Variants in CA10 observed in about 807,000 individuals in gnomAD.
The protein encoded by CA10 is carbonic anhydrase-related protein 10.
A neutral mutation model predicts 44.2 loss-of-function variants in CA10; 14 were observed. The observed-to-expected ratio is 0.32, with a 90% confidence interval of 0.21 to 0.50. The LOEUF is 0.50. CA10 is among the 20% of genes least tolerant of loss of function. The pLI, the probability that CA10 is intolerant of heterozygous loss-of-function variation, is 0.99. For missense variants in CA10, 350 were observed against 409.7 expected (o/e 0.85, Z 1.26); for synonymous variants, 159 against 141.6 (o/e 1.12, Z -0.87).
chr17:52,132,404 A>G (rs2143353034), intron 1 of CA10, among the ~76,000 whole-genome samples: 1 of 152,280 alleles, frequency 6.6e-6, no homozygotes, highest in Non-Finnish European at 1.5e-5. Context: ...GGACTGCCTA[A>G]ACTGGAATCC....
chr17:52,094,749 A>T (rs1458695957), intron 1 of CA10, among the ~76,000 whole-genome samples: 1 of 152,178 alleles, frequency 6.6e-6, no homozygotes, highest in Non-Finnish European at 1.5e-5. Context: ...CTCAAATTTA[A>T]ACCCCAATGA....
chr17:51,739,432 T>C (rs1904370356), intron 4 of CA10, among the ~76,000 whole-genome samples: 2 of 152,126 alleles, frequency 1.3e-5, no homozygotes, highest in Admixed American at 1.3e-4. Flanking sequence ...TCTTTTGTAA[T>C]GTAACACCTT....
intron 2 of CA10, among the ~76,000 whole-genome samples, chr17:52,011,819 G>T (rs1387668074): frequency 6.6e-6 from 1 of 151,994 alleles, no homozygotes; most frequent in African/African-American, 2.4e-5. Context: ...ACATGCTAAT[G>T]GAGAAATGAC....
At chr17:52,058,528 C>T (rs552350819) in intron 2 of CA10, among the ~76,000 whole-genome samples, 1 of 152,164 alleles carries the variant, frequency 6.6e-6, no homozygotes, top group East Asian at 1.9e-4. Context: ...GGCTTTCTGC[C>T]GTGCAGCTCT....
intron 3 of CA10, among the ~76,000 whole-genome samples, chr17:51,871,050 CTTTTTTT>C (rs56319440): frequency 1.1e-3 from 103 of 94,852 alleles, no homozygotes; most frequent in Middle Eastern, 5.7e-3. Flanking sequence ...TCCCACTTTA[CTTTTTTT>C]TTTTTTTTTT....
At chr17:52,155,157 A>T (rs1009837301) in intron 1 of CA10, among the ~76,000 whole-genome samples, 9 of 152,190 alleles carry the variant, frequency 5.9e-5, no homozygotes, top group Non-Finnish European at 1.0e-4. Context: ...CTCAATAATG[A>T]AGCCAACTCT....
chr17:51,843,855 G>T (rs1187493045), intron 3 of CA10, among the ~76,000 whole-genome samples: 1 of 152,094 alleles, frequency 6.6e-6, no homozygotes, highest in African/African-American at 2.4e-5. Flanking sequence ...AAGTTTTACA[G>T]AAAAGTAAAT....
chr17:51,638,760 C>T lies in CA10; in HGVS notation c.635-2751G>A, dbSNP rs142842432. Among the ~76,000 whole-genome samples, 95 of 152,088 alleles carry T rather than the reference C, an allele frequency of 6.2e-4. No individual in the cohort carries two copies. The East Asian group carries it at 0.015, about 25-fold the overall frequency. ...GAGAGGCTGTGAGTTCTGTCTGGGG[C>T]GAGGGTGCGGGGTACTCAGGAAGGA... is the stretch of plus-strand genomic sequence containing the variant. On this transcript the variant is annotated intron_variant, in intron 6 of 8. Coordinates refer to ENST00000451037, the MANE Select transcript of CA10 (RefSeq NM_020178.5).
intron 4 of CA10, among the ~76,000 whole-genome samples, chr17:51,693,898 T>C (rs1344106203): frequency 1.3e-5 from 2 of 152,150 alleles, no homozygotes; most frequent in Non-Finnish European, 2.9e-5. Flanking sequence ...AGTTCTGTTC[T>C]AAGTTCTTTA....
intron 3 of CA10, among the ~76,000 whole-genome samples, chr17:51,846,350 T>C (rs978028160): frequency 6.6e-6 from 1 of 152,202 alleles, no homozygotes; most frequent in Non-Finnish European, 1.5e-5. Context: ...TCACACCCCT[T>C]GGGTGAATAG....
At chr17:52,047,023 A>G (rs1031240934) in intron 2 of CA10, among the ~76,000 whole-genome samples, 3 of 152,022 alleles carry the variant, frequency 2.0e-5, no homozygotes, top group African/African-American at 7.2e-5. Flanking sequence ...GACTTTGCAG[A>G]TGAATGTTCA....
At chr17:52,056,397 C>A (rs912799353) in intron 2 of CA10, among the ~76,000 whole-genome samples, 1 of 151,902 alleles carries the variant, frequency 6.6e-6, no homozygotes, top group Admixed American at 6.6e-5. Flanking sequence ...AGAAAGAAGC[C>A]CCCTAACCTC....
intron 3 of CA10, among the ~76,000 whole-genome samples, chr17:51,793,982 T>C (rs150230128): frequency 1.3e-5 from 2 of 152,322 alleles, no homozygotes; most frequent in East Asian, 3.9e-4. Context: ...AAATGGCAAA[T>C]GGTGACTGTG....
chr17:51,901,539 G>T (rs1598108396), intron 3 of CA10, among the ~76,000 whole-genome samples: 1 of 152,104 alleles, frequency 6.6e-6, no homozygotes, highest in African/African-American at 2.4e-5. Context: ...GCTAAAGAAA[G>T]GTACCAGTGG....
rs139520560 is a variant in CA10, at chr17:51,921,491, T to C, written c.279+9499A>G. Among the ~76,000 whole-genome samples, 43 of 152,334 alleles carry C rather than the reference T, an allele frequency of 2.8e-4. 1 individual carries two copies. In the East Asian group the frequency reaches 7.5e-3, roughly 27 times the overall value. ...AATATTTTCCTTTCCAATAGATGCA[T>C]AGACAGAGAAAACTGAATATAAAAC... is the stretch of plus-strand genomic sequence containing the variant. On this transcript the variant is annotated intron_variant, in intron 3 of 8. Transcript: ENST00000451037.
At chr17:52,048,522 T>G (rs1273928943) in intron 2 of CA10, among the ~76,000 whole-genome samples, 1 of 152,024 alleles carries the variant, frequency 6.6e-6, no homozygotes, top group African/African-American at 2.4e-5. Context: ...AAAGAAAGTT[T>G]AAGAATTCAG....
intron 2 of CA10, among the ~76,000 whole-genome samples, chr17:52,013,020 T>G (rs1985850743): frequency 6.6e-6 from 1 of 151,990 alleles, no homozygotes; most frequent in Non-Finnish European, 1.5e-5. Context: ...TGTAACAAAT[T>G]TTAACTTAAA....
chr17:52,038,189 G>C (rs1986670566), intron 2 of CA10, among the ~76,000 whole-genome samples: 1 of 152,164 alleles, frequency 6.6e-6, no homozygotes, highest in African/African-American at 2.4e-5. Context: ...CACATAAACT[G>C]AACAACTGAG....
At chr17:51,680,346 T>C (rs374405572) in intron 4 of CA10, among the ~76,000 whole-genome samples, 18 of 152,228 alleles carry the variant, frequency 1.2e-4, no homozygotes, top group African/African-American at 3.6e-4. Context: ...TTAAGCCAGG[T>C]TGCTGTCCAG....
Sources: allele counts gnomAD v4.1 joint callset (sites outside exome capture counted in the v4.1 genomes callset), GRCh38; gene constraint gnomAD v4.1.1; transcripts MANE v1.5; gene names NCBI Gene and HGNC (gene_info 2026-07-23, HGNC 2026-07-21).